The following CTNND2 variants were observed in gnomAD, a reference collection of about 807,000 sequenced individuals.
CTNND2 encodes the protein catenin delta 2.
A neutral mutation model predicts 144.4 loss-of-function variants in CTNND2; 22 were observed. The observed-to-expected ratio is 0.15, with a 90% CI of 0.11 to 0.22. The LOEUF is 0.22. CTNND2 is among the 10% of genes least tolerant of loss of function. CTNND2 has a pLI of 1.00. For missense variants in CTNND2, 1,353 were observed against 1,618.8 expected (o/e 0.84, Z 2.82); for synonymous variants, 751 against 695.6 (o/e 1.08, Z -1.25).
At chr5:11,883,729 G>C (rs1478603684) in intron 1 of CTNND2, among the ~76,000 whole-genome samples, 1 of 152,078 alleles carries the variant, frequency 6.6e-6, no homozygotes, top group Non-Finnish European at 1.5e-5. Flanking sequence ...TGGTATTTCT[G>C]GTTCTAGATC....
At chr5:11,351,317 G>A (rs1220558922) in intron 8 of CTNND2, among the ~76,000 whole-genome samples, 1 of 152,096 alleles carries the variant, frequency 6.6e-6, no homozygotes, top group Admixed American at 6.5e-5. Context: ...CGTCTCACCT[G>A]CTCTACAAAC....
intron 16 of CTNND2, among the ~76,000 whole-genome samples, chr5:11,027,828 T>A (rs1309747510): frequency 6.6e-6 from 1 of 152,190 alleles, no homozygotes; most frequent in Non-Finnish European, 1.5e-5. Context: ...AGAAAGGCAC[T>A]CCTTGCAGAC....
chr5:11,109,376 C>T lies in CTNND2; in HGVS notation c.2463+1482G>A, dbSNP rs553461827. 3.1e-4 allele frequency among the ~76,000 whole-genome samples: 45 copies of T among 147,462 alleles called. No homozygotes were observed. The South Asian group carries it at 9.0e-3, about 30-fold the overall frequency. ...TATCATATATTTTCTAGAATTATCC[C>T]TACAGGGATTTTTTTTTAAAGTTTC... On this transcript the variant is annotated intron_variant, in intron 14 of 21. Coordinates refer to ENST00000304623, the MANE Select transcript of CTNND2 (RefSeq NM_001332.4).
At chr5:11,680,717 A>G (rs558547482) in intron 2 of CTNND2, among the ~76,000 whole-genome samples, 26 of 152,296 alleles carry the variant, frequency 1.7e-4, no homozygotes, top group African/African-American at 5.8e-4. Flanking sequence ...AAGTCAGGGC[A>G]GAAATAACAG....
At chr5:11,556,642 T>C (rs9312777) in intron 3 of CTNND2, among the ~76,000 whole-genome samples, 77,227 of 151,878 alleles carry the variant, frequency 0.51, 20,211 homozygotes, top group Middle Eastern at 0.63. Context: ...CTGTTGGCAT[T>C]TGGGCTCATG....
chr5:11,685,569 T>C (rs1243602934), intron 2 of CTNND2, among the ~76,000 whole-genome samples: 15 of 152,200 alleles, frequency 9.9e-5, no homozygotes, highest in Admixed American at 2.6e-4. Context: ...TTTCCAAACA[T>C]AAGGATTATA....
At chr5:11,425,218 T>C (rs2149861527) in intron 3 of CTNND2, among the ~76,000 whole-genome samples, 1 of 152,312 alleles carries the variant, frequency 6.6e-6, no homozygotes, top group East Asian at 1.9e-4. Context: ...CACAATATAC[T>C]TCACTGGCTC....
chr5:11,537,745 T>C (rs946142773), intron 3 of CTNND2, among the ~76,000 whole-genome samples: 2 of 152,226 alleles, frequency 1.3e-5, no homozygotes, highest in African/African-American at 4.8e-5. Flanking sequence ...ATTTAAAGTA[T>C]AGTACCAGCT....
chr5:11,433,551 A>T (rs1316445724), intron 3 of CTNND2, among the ~76,000 whole-genome samples: 1 of 152,106 alleles, frequency 6.6e-6, no homozygotes, highest in Non-Finnish European at 1.5e-5. Flanking sequence ...GCTTCTGGGG[A>T]GGTCTCAGGA....
chr5:11,517,199 T>A (rs1035843962), intron 3 of CTNND2, among the ~76,000 whole-genome samples: 3 of 152,208 alleles, frequency 2.0e-5, no homozygotes, highest in Admixed American at 2.0e-4. Context: ...TATCCTCTTA[T>A]CTCTTAAATC....
intron 9 of CTNND2, among the ~76,000 whole-genome samples, chr5:11,296,110 T>C (rs1268935900): frequency 2.1e-5 from 3 of 146,314 alleles, no homozygotes; most frequent in South Asian, 4.5e-4. Context: ...ATCCAGAATC[T>C]ACAATGAACT....
At chr5:11,428,984 T>C (rs1012901146) in intron 3 of CTNND2, among the ~76,000 whole-genome samples, 2 of 152,230 alleles carry the variant, frequency 1.3e-5, no homozygotes, top group Non-Finnish European at 2.9e-5. Context: ...CCTTAACTTA[T>C]ATTTTTATAT....
At chr5:11,261,769 G>A (rs150108475) in intron 9 of CTNND2, among the ~76,000 whole-genome samples, 2 of 152,324 alleles carry the variant, frequency 1.3e-5, no homozygotes, top group East Asian at 3.9e-4. Context: ...AAGAAAGGGA[G>A]AGCATGAGAA....
At chr5:11,219,124 G>T (rs1287175273) in intron 10 of CTNND2, among the ~76,000 whole-genome samples, 1 of 152,134 alleles carries the variant, frequency 6.6e-6, no homozygotes, top group South Asian at 2.1e-4. Flanking sequence ...CCCAACCAAT[G>T]GCCATAAAAG....
chr5:11,723,949 G>A (rs998307746), intron 2 of CTNND2, among the ~76,000 whole-genome samples: 1 of 151,920 alleles, frequency 6.6e-6, no homozygotes, highest in Non-Finnish European at 1.5e-5. Flanking sequence ...CCAGCTGCTC[G>A]GGAGCTGTGG....
At chr5:11,061,072 T>C (rs1032106308) in intron 16 of CTNND2, among the ~76,000 whole-genome samples, 10 of 152,232 alleles carry the variant, frequency 6.6e-5, no homozygotes, top group African/African-American at 2.2e-4. Flanking sequence ...GTCTCACAGA[T>C]ATTTCAAACT....
In CTNND2 at chr5:11,756,247, T is replaced by A. The variant is rs1381340836; in HGVS notation, c.38-23975A>T. Among the ~76,000 whole-genome samples the A allele has an allele frequency of 5.9e-5, 9 of 151,824 alleles. No individual in the cohort carries two copies. The East Asian group carries it at 1.5e-3, about 26-fold the overall frequency. On this transcript the variant is annotated intron_variant, in intron 1 of 21. Transcript: ENST00000304623. The stretch of plus-strand genomic sequence containing the variant: ...GATTCAAGAATATAGAAAATTTTTT[T>A]AAATATTATAACTTCTATCTGATCT...
At chr5:11,290,661 G>A (rs1580810330) in intron 9 of CTNND2, among the ~76,000 whole-genome samples, 3 of 152,098 alleles carry the variant, frequency 2.0e-5, no homozygotes, top group South Asian at 2.1e-4. Flanking sequence ...GAAAAGGTAC[G>A]TTTCATAGAG....
At chr5:11,331,859 TG>T (rs1241626943) in intron 9 of CTNND2, among the ~76,000 whole-genome samples, 1 of 152,194 alleles carries the variant, frequency 6.6e-6, no homozygotes, top group Non-Finnish European at 1.5e-5. Context: ...TATTGCACAC[TG>T]GGGTGGCTAC....
Sources: allele counts gnomAD v4.1 joint callset (sites outside exome capture counted in the v4.1 genomes callset), GRCh38; gene constraint gnomAD v4.1.1; transcripts MANE v1.5; gene names NCBI Gene and HGNC (gene_info 2026-07-23, HGNC 2026-07-21).